The following EML6 variants were observed in gnomAD, a reference collection of about 807,000 sequenced individuals.
EML6 encodes echinoderm microtubule-associated protein-like 6.
EML6 carries 154 observed loss-of-function variants against 240.1 expected under a neutral mutation model. The observed-to-expected ratio is 0.64, with a 90% CI of 0.56 to 0.73. The LOEUF is 0.73. EML6 is among the 30% of genes least tolerant of loss of function. The probability of loss-of-function intolerance (pLI) is 0.00; values close to 1 mark genes in which losing one functional copy is unlikely to be tolerated. For synonymous variants in EML6, 1,148 were observed against 899.0 expected (o/e 1.28, Z -4.95); for missense variants, 2,964 against 2,474.6 (o/e 1.20, Z -4.20).
In EML6 at chr2:54,804,224, A is replaced by G. The variant is rs542557547; in HGVS notation, c.198-9008A>G. 3.9e-5 allele frequency among the ~76,000 whole-genome samples: 6 copies of G among 152,346 alleles called. No individual in the cohort carries two copies. The South Asian group carries it at 1.2e-3, about 32-fold the overall frequency. On this transcript the variant is annotated intron_variant, in intron 2 of 41. Coordinates refer to ENST00000356458, the MANE Select transcript of EML6 (RefSeq NM_001039753.4). ...ACTTCTCTAAAGTATTTAATCAGAC[A>G]TTACTGAAACACATGACTGGCATAT...
intron 26 of EML6, among the ~76,000 whole-genome samples, chr2:54,925,994 T>G (rs747717526): frequency 4.6e-5 from 7 of 152,198 alleles, no homozygotes; most frequent in Non-Finnish European, 5.9e-5. Context: ...GAAAATTTTA[T>G]AGACAGGGAA....
In EML6 at chr2:54,970,211, G is replaced by A. The variant is rs1052329441; in HGVS notation, c.*116G>A. 4.1e-5 allele frequency: 40 copies of A among 984,480 alleles called. No homozygotes were observed. Among genetic ancestry groups the A allele is most frequent in the Middle Eastern group, 2.2e-4 (1 of 4,500 alleles). 61.0% of individuals were successfully genotyped at this position (984,480 alleles called of 1,614,324 possible). ...TGGGAAATGCCTACCATGCTGCCCCGGATGCACAAGCTCAAAACGCTGCAG... is the reference window on the plus strand; with the variant it reads ...TGGGAAATGCCTACCATGCTGCCCCAGATGCACAAGCTCAAAACGCTGCAG... On this transcript the variant is annotated 3_prime_UTR_variant, in exon 42 of 42. Coordinates refer to ENST00000356458, the MANE Select transcript of EML6 (RefSeq NM_001039753.4).
At position 54,866,757 on chromosome 2, in the gene EML6, T is replaced by C. The variant is rs1257424223; in HGVS notation, c.1933-9T>C. ...GCATCTCACCCAGATGTTTCTGTTG[T>C]ACTTTAAGGTTTACAAAGAAGATCT... On this transcript the variant is annotated splice_polypyrimidine_tract_variant and intron_variant, in intron 13 of 41. Coordinates refer to ENST00000356458, the MANE Select transcript of EML6 (RefSeq NM_001039753.4). 2.6e-6 allele frequency: 4 copies of C among 1,515,638 alleles called. No individual in the cohort carries two copies. Among genetic ancestry groups the C allele is most frequent in the African/African-American group, 1.4e-5 (1 of 72,202 alleles). The allele number at this position is 1,515,638 out of a possible 1,614,324, so 93.9% of individuals were successfully genotyped here. A position where few individuals can be genotyped will look rare whatever the true frequency, so the allele number is the denominator to read the frequency against.
chr2:54,900,590 T>C (rs1296873363), intron 22 of EML6, among the ~76,000 whole-genome samples: 1 of 152,138 alleles, frequency 6.6e-6, no homozygotes, highest in Non-Finnish European at 1.5e-5. Flanking sequence ...AAGCCACGAC[T>C]GATAGCAGGG....
chr2:54,832,644 A>T (rs540758390), intron 7 of EML6, among the ~76,000 whole-genome samples: 2 of 152,206 alleles, frequency 1.3e-5, no homozygotes, highest in Non-Finnish European at 2.9e-5. Flanking sequence ...TTTCAACATT[A>T]GCAAAGAGCT....
At chr2:54,825,230 C>G (rs949754712) in intron 5 of EML6, among the ~76,000 whole-genome samples, 2 of 152,184 alleles carry the variant, frequency 1.3e-5, no homozygotes, top group African/African-American at 4.8e-5. Flanking sequence ...AGAAAGGGAA[C>G]TGTCTGCCTT....
At chr2:54,936,181 T>C (rs1370537982) in intron 28 of EML6, among the ~76,000 whole-genome samples, 1 of 152,246 alleles carries the variant, frequency 6.6e-6, no homozygotes, top group Non-Finnish European at 1.5e-5. Flanking sequence ...CAAATTATCA[T>C]GTGGCTTCAG....
intron 32 of EML6, among the ~76,000 whole-genome samples, chr2:54,955,419 C>CT (rs530896967): frequency 3.2e-4 from 48 of 152,286 alleles, no homozygotes; most frequent in African/African-American, 1.1e-3. Context: ...CCCTTGAATA[C>CT]TTTCAAGGAT....
At chr2:54,850,331 G>GT (rs1670006823) in intron 10 of EML6, 113 bp downstream of exon 10, 1 of 999,804 alleles carries the variant, frequency 1.0e-6, no homozygotes, top group Non-Finnish European at 1.4e-6. Context: ...AGGTTTTCTG[G>GT]TTTTTGCCGG....
intron 16 of EML6, among the ~76,000 whole-genome samples, chr2:54,873,949 CATCT>C (rs1313853909): frequency 2.6e-5 from 4 of 151,108 alleles, no homozygotes; most frequent in Non-Finnish European, 5.9e-5. Flanking sequence ...CTCAAAATAC[CATCT>C]ATCACTGACT....
At chr2:54,904,825 A>C (rs1673233854) in intron 24 of EML6, among the ~76,000 whole-genome samples, 1 of 152,172 alleles carries the variant, frequency 6.6e-6, no homozygotes. Context: ...ACGATGATGA[A>C]GGCCTCTGCC....
intron 25 of EML6, among the ~76,000 whole-genome samples, chr2:54,914,919 T>C (rs1673829695): frequency 6.6e-6 from 1 of 152,194 alleles, no homozygotes. Flanking sequence ...CAGCACCATA[T>C]TGGGAGGCAA....
chr2:54,956,029 G>A (rs1046250941), intron 32 of EML6, among the ~76,000 whole-genome samples: 2 of 151,984 alleles, frequency 1.3e-5, no homozygotes, highest in African/African-American at 4.8e-5. Context: ...GTGTGTGTGT[G>A]TGTGTGTAGG....
intron 5 of EML6, 28 bp from the exon 6 acceptor site, chr2:54,827,538 G>A: frequency 6.6e-7 from 1 of 1,523,142 alleles, no homozygotes; most frequent in Non-Finnish European, 8.9e-7. Context: ...CTCTATCTTG[G>A]AGATCTATTT....
chr2:54,820,520 G>A (rs1668283149), intron 5 of EML6, 58 bp downstream of exon 5: 4 of 1,037,312 alleles, frequency 3.9e-6, no homozygotes, highest in South Asian at 1.5e-5. Context: ...TTAGGTGTTT[G>A]TATAGATAAT....
rs147293870 is a variant in EML6, at chr2:54,844,344, C to T, written c.1049+96C>T. ...TAGAAGGATAAAGTGCAGAACAGAA[C>T]CACACAGTTTCCAAATGAAACGTTA... is the stretch of plus-strand genomic sequence containing the variant. On this transcript the variant is annotated intron_variant, in intron 8 of 41. Transcript: ENST00000356458. The T allele has an allele frequency of 1.8e-4, 169 of 935,778 alleles. 4 individuals are homozygous for T. In the East Asian group the frequency reaches 4.3e-3, roughly 24 times the overall value. 58.0% of individuals were successfully genotyped at this position (935,778 alleles called of 1,614,324 possible).
At chr2:54,967,549 C>G (rs1289344058) in intron 39 of EML6, among the ~76,000 whole-genome samples, 1 of 152,152 alleles carries the variant, frequency 6.6e-6, no homozygotes, top group East Asian at 1.9e-4. Flanking sequence ...CCAACACACA[C>G]ATATTCAAGA....
intron 28 of EML6, among the ~76,000 whole-genome samples, chr2:54,948,567 C>G (rs999219534): frequency 6.6e-6 from 1 of 152,192 alleles, no homozygotes; most frequent in Non-Finnish European, 1.5e-5. Flanking sequence ...TGAACCAAGC[C>G]CCTCTTGTTT....
At chr2:54,888,337 C>T (rs973406224) in intron 17 of EML6, among the ~76,000 whole-genome samples, 3 of 152,170 alleles carry the variant, frequency 2.0e-5, no homozygotes, top group Non-Finnish European at 4.4e-5. Flanking sequence ...ATGCTTGGTT[C>T]ATCTGGGCAT....
Sources: gnomAD v4.1 joint callset for allele counts (sites outside exome capture counted in the v4.1 genomes callset) on GRCh38, gnomAD v4.1.1 for gene constraint, MANE v1.5 for transcripts, NCBI Gene and HGNC (gene_info 2026-07-23, HGNC 2026-07-21) for gene names.